The following ITGBL1 variants were observed in gnomAD, a reference collection of about 807,000 sequenced individuals.
The protein encoded by ITGBL1 is integrin beta-like protein 1.
A neutral mutation model predicts 68.5 loss-of-function variants in ITGBL1; 51 were observed. That is an observed-to-expected ratio of 0.74 (90% CI 0.59 to 0.94). The LOEUF is 0.94. ITGBL1 is among the 40% of genes least tolerant of loss of function. The pLI, the probability that ITGBL1 is intolerant of heterozygous loss-of-function variation, is 0.00. For missense variants in ITGBL1, 649 were observed against 647.4 expected (o/e 1.00, Z -0.03); for synonymous variants, 209 against 227.3 (o/e 0.92, Z 0.72).
downstream of ITGBL1, chr13:101,719,023 C>G (rs1205289031): frequency 2.0e-5 from 3 of 151,968 alleles, no homozygotes; most frequent in Non-Finnish European, 4.4e-5. Context: ...CTTGATATAG[C>G]CTTGTTCTGA....
chr13:101,519,058 G>A (rs1036720257), intron 2 of ITGBL1, among the ~76,000 whole-genome samples: 2 of 152,072 alleles, frequency 1.3e-5, no homozygotes, highest in Non-Finnish European at 2.9e-5. Context: ...TTTTCTAATA[G>A]ATACTAAACT....
intron 7 of ITGBL1, among the ~76,000 whole-genome samples, chr13:101,678,140 T>A (rs181563590): frequency 7.5e-4 from 115 of 152,350 alleles, no homozygotes; most frequent in African/African-American, 2.6e-3. Flanking sequence ...TATTTGAGGA[T>A]AAGTTGCTCA....
chr13:101,590,319 G>A (rs1248306910), intron 6 of ITGBL1, among the ~76,000 whole-genome samples: 2 of 152,160 alleles, frequency 1.3e-5, no homozygotes, highest in African/African-American at 4.8e-5. Flanking sequence ...TTCCGACTAT[G>A]CAACTTAAGA....
intron 7 of ITGBL1, 88 bp downstream of exon 7, chr13:101,598,387 T>A: frequency 9.0e-7 from 1 of 1,106,360 alleles, no homozygotes; most frequent in Non-Finnish European, 1.2e-6. Flanking sequence ...TTTGTTTGTT[T>A]GTTTTTTGTT....
intron 6 of ITGBL1, among the ~76,000 whole-genome samples, chr13:101,589,667 A>G (rs1315384623): frequency 6.6e-6 from 1 of 152,214 alleles, no homozygotes; most frequent in Non-Finnish European, 1.5e-5. Flanking sequence ...CAGCAATGAT[A>G]CAATCTCTTA....
rs2050343149 is a variant in ITGBL1, at chr13:101,575,495, G to A, written c.535G>A (p.Glu179Lys). 6.2e-7 allele frequency: 1 copy of A among 1,612,780 alleles called. No homozygotes were observed. The highest frequency in any genetic ancestry group is 8.5e-7 in the Non-Finnish European group (1 of 1,179,000). Residue 179 changes from glutamate (E) to lysine (K), a missense_variant, in exon 4 of 11, where the codon GAG becomes AAG. Transcript: ENST00000376180. ...GSGLVYGKFC[E>K]CDDRECIDDE... ...TGGACTTGTGTATGGTAAATTTTGT[G>A]AGTGTGACGATAGAGAATGCATAGA...
At chr13:101,496,098 A>G (rs1287011374) in intron 2 of ITGBL1, among the ~76,000 whole-genome samples, 1 of 152,196 alleles carries the variant, frequency 6.6e-6, no homozygotes, top group Non-Finnish European at 1.5e-5. Flanking sequence ...ATATTTCTCC[A>G]GAGTTGCTAT....
chr13:101,701,583 C>T (rs2034138172), intron 8 of ITGBL1, among the ~76,000 whole-genome samples: 2 of 151,900 alleles, frequency 1.3e-5, no homozygotes, highest in South Asian at 2.1e-4. Context: ...TATTTTCTTG[C>T]ATAACATTTT....
rs544927934 is a variant in ITGBL1 at position 101,540,243 on chromosome 13, A to C, written c.317-27456A>C. 4.3e-3 allele frequency among the ~76,000 whole-genome samples: 651 copies of C among 152,288 alleles called. 1 individual carries two copies. Among genetic ancestry groups the C allele is most frequent in the Non-Finnish European group, 6.9e-3 (470 of 68,020 alleles). ...TTAATTTTTGTATAAGGTGTAAGGA[A>C]GGGATCCAGTTTCAGCTTTCTACAT... On this transcript the variant is annotated intron_variant, in intron 2 of 10. Transcript: ENST00000376180.
intron 7 of ITGBL1, among the ~76,000 whole-genome samples, chr13:101,679,117 A>G (rs1477227197): frequency 6.6e-6 from 1 of 151,714 alleles, no homozygotes; most frequent in Non-Finnish European, 1.5e-5. Flanking sequence ...CATGTTGGCC[A>G]GGATGGTCTC....
chr13:101,625,432 G>A (rs1486057011), intron 7 of ITGBL1, among the ~76,000 whole-genome samples: 2 of 152,110 alleles, frequency 1.3e-5, no homozygotes, highest in African/African-American at 4.8e-5. Flanking sequence ...TGAATTCAAG[G>A]GATGATATTG....
At chr13:101,694,553 A>G (rs771638817) in intron 8 of ITGBL1, among the ~76,000 whole-genome samples, 2 of 152,030 alleles carry the variant, frequency 1.3e-5, no homozygotes, top group Non-Finnish European at 2.9e-5. Flanking sequence ...CTTACTGAGT[A>G]TCTGGGACTA....
At chr13:101,713,215 A>G (rs2034557496) in intron 9 of ITGBL1, 1 of 152,208 alleles carries the variant, frequency 6.6e-6, no homozygotes, top group African/African-American at 2.4e-5. Flanking sequence ...GTTGAGACAC[A>G]TGAACCTGAA....
chr13:101,540,080 G>A (rs1230958252), intron 2 of ITGBL1, among the ~76,000 whole-genome samples: 2 of 152,010 alleles, frequency 1.3e-5, no homozygotes, highest in Admixed American at 6.5e-5. Flanking sequence ...GTCAATTTTG[G>A]CTTTTGTTGC....
rs191255778 is a variant in ITGBL1 at position 101,589,365 on chromosome 13, A to G, written c.868+6009A>G. Among the ~76,000 whole-genome samples, 23 of 152,326 alleles carry G rather than the reference A, an allele frequency of 1.5e-4. No individual in the cohort carries two copies. In the East Asian group the frequency reaches 4.4e-3, roughly 29 times the overall value. ...TCTACTCTCCCCAGACAATAAAACC[A>G]TCAAACACTTTCTGTGCCACTATTT... On this transcript the variant is annotated intron_variant, in intron 6 of 10. Coordinates refer to ENST00000376180, the MANE Select transcript of ITGBL1 (RefSeq NM_004791.3).
chr13:101,468,454 A>T (rs1041846213), intron 2 of ITGBL1, among the ~76,000 whole-genome samples: 1 of 152,208 alleles, frequency 6.6e-6, no homozygotes, highest in African/African-American at 2.4e-5. Flanking sequence ...CTTTTAAGAG[A>T]TAGTCAAAAC....
chr13:101,711,949 A>G (rs1475838895), intron 9 of ITGBL1: 1 of 152,250 alleles, frequency 6.6e-6, no homozygotes, highest in Non-Finnish European at 1.5e-5. Context: ...GGTCTTGGCC[A>G]GCTGAGTTGA....
At chr13:101,670,161 T>C (rs2033322003) in intron 7 of ITGBL1, among the ~76,000 whole-genome samples, 1 of 152,222 alleles carries the variant, frequency 6.6e-6, no homozygotes, top group East Asian at 1.9e-4. Context: ...CAATTTTGCA[T>C]GCTTTTACTT....
intron 2 of ITGBL1, among the ~76,000 whole-genome samples, chr13:101,561,898 A>C (rs1248450024): frequency 6.6e-6 from 1 of 152,224 alleles, no homozygotes; most frequent in African/African-American, 2.4e-5. Context: ...AAGAGCAATG[A>C]AAATGGAATA....
Sources: allele counts gnomAD v4.1 joint callset (sites outside exome capture counted in the v4.1 genomes callset), GRCh38; gene constraint gnomAD v4.1.1; transcripts MANE v1.5; gene names NCBI Gene and HGNC (gene_info 2026-07-23, HGNC 2026-07-21).